Variants in DMRT1 observed in about 807,000 individuals in gnomAD.
DMRT1 encodes the protein doublesex and mab-3 related transcription factor 1, also known as doublesex- and mab-3-related transcription factor 1.
Under a neutral mutation model 32.3 loss-of-function variants are expected in DMRT1, and 7 were observed. The observed-to-expected ratio is 0.22, with a 90% confidence interval of 0.12 to 0.41. The LOEUF is 0.41. Ranked by LOEUF, DMRT1 falls within the 10% of genes least tolerant of loss-of-function variation. The pLI, the probability that DMRT1 is intolerant of heterozygous loss-of-function variation, is 1.00. For synonymous variants in DMRT1, 278 were observed against 206.1 expected, an observed-to-expected ratio of 1.35 and a Z score of -2.99; for missense variants, 625 against 500.5, an observed-to-expected ratio of 1.25 and a Z score of -2.37.
chr9:907,641 C>T (rs1817823616), intron 3 of DMRT1, among the ~76,000 whole-genome samples: 1 of 152,120 alleles, frequency 6.6e-6, no homozygotes, highest in African/African-American at 2.4e-5. Flanking sequence ...GATTGAGACC[C>T]ACAGTAAGAA....
intron 4 of DMRT1, among the ~76,000 whole-genome samples, chr9:939,401 C>T (rs778628927): frequency 9.2e-5 from 14 of 152,158 alleles, no homozygotes; most frequent in Admixed American, 4.6e-4. Context: ...TTTAATTAGC[C>T]GTCTCTAAAA....
At chr9:882,427 T>G (rs748097701) in intron 2 of DMRT1, among the ~76,000 whole-genome samples, 1 of 152,198 alleles carries the variant, frequency 6.6e-6, no homozygotes, top group Non-Finnish European at 1.5e-5. Context: ...TTTCTTATCC[T>G]TTATACATCC....
chr9:856,202 C>T (rs989656441), intron 2 of DMRT1, among the ~76,000 whole-genome samples: 1 of 152,174 alleles, frequency 6.6e-6, no homozygotes, highest in Non-Finnish European at 1.5e-5. Context: ...CAGGTGTGAG[C>T]CACCGCGCCC....
intron 1 of DMRT1, 42 bp downstream of exon 1, chr9:842,234 T>TG: frequency 2.3e-6 from 3 of 1,308,094 alleles, no homozygotes; most frequent in Non-Finnish European, 3.0e-6. Context: ...GCCTTAGTTT[T>TG]TTTTTTTTTT....
At chr9:903,101 A>G (rs1272909393) in intron 3 of DMRT1, among the ~76,000 whole-genome samples, 1 of 152,194 alleles carries the variant, frequency 6.6e-6, no homozygotes, top group Non-Finnish European at 1.5e-5. Context: ...AGCCATGCCT[A>G]TGATGTTTTC....
intron 4 of DMRT1, among the ~76,000 whole-genome samples, chr9:923,442 G>C (rs1818418698): frequency 6.7e-6 from 1 of 149,200 alleles, no homozygotes; most frequent in Non-Finnish European, 1.5e-5. Flanking sequence ...CCTGCTGAGA[G>C]AGGGTGAGGA....
In DMRT1 at chr9:965,431, TAA is replaced by T. The variant is rs1387082862; in HGVS notation, c.968-2553_968-2552del. Among the ~76,000 whole-genome samples, 4 of 152,170 alleles carry T rather than the reference TAA, an allele frequency of 2.6e-5. No individual in the cohort carries two copies. The highest frequency in any genetic ancestry group is 5.9e-5 in the Non-Finnish European group (4 of 68,036). On this transcript the variant is annotated intron_variant, in intron 4 of 4. Transcript: ENST00000382276. This position sits in a 1 kb window ranked among gnomAD's most constrained non-coding sequence, Gnocchi z 4.5. ...TTGGAGCCCCGCTAGTCCATGCAGG[TAA>T]TATTCTGCATGCTTTGTGGCCCCAC...
chr9:910,768 A>T (rs996422529), intron 3 of DMRT1, among the ~76,000 whole-genome samples: 4 of 152,116 alleles, frequency 2.6e-5, no homozygotes, highest in Non-Finnish European at 5.9e-5. Context: ...TCTGGTTCAG[A>T]GACTTTGGAT....
intron 4 of DMRT1, among the ~76,000 whole-genome samples, chr9:928,482 A>G (rs536086657): frequency 6.6e-6 from 1 of 152,288 alleles, no homozygotes; most frequent in East Asian, 1.9e-4. Flanking sequence ...TCTTAGTTGC[A>G]GTGTCTTCTT....
At chr9:862,081 C>T in intron 2 of DMRT1, among the ~76,000 whole-genome samples, 1 of 145,818 alleles carries the variant, frequency 6.9e-6, no homozygotes, top group South Asian at 2.2e-4. Flanking sequence ...AGAGACGCTC[C>T]TCACTTCCTA....
At chr9:863,321 A>T (rs1287660682) in intron 2 of DMRT1, among the ~76,000 whole-genome samples, 1 of 23,564 alleles carries the variant, frequency 4.2e-5, no homozygotes, top group African/African-American at 1.2e-4. Context: ...ACGTCTCTTA[A>T]AAAAAAAAAA....
At chr9:864,796 G>A (rs535442191) in intron 2 of DMRT1, among the ~76,000 whole-genome samples, 268 of 152,054 alleles carry the variant, frequency 1.8e-3, no homozygotes, top group Non-Finnish European at 2.9e-3. Context: ...CACCGTGCCC[G>A]CCAGCCAGTA....
At chr9:878,202 C>CCG (rs1474062672) in intron 2 of DMRT1, among the ~76,000 whole-genome samples, 2 of 94,832 alleles carry the variant, frequency 2.1e-5, no homozygotes, top group African/African-American at 7.8e-5. Flanking sequence ...CAGCTGCTGC[C>CCG]CCCCCCCCAC....
chr9:862,982 T>G (rs1815789129), intron 2 of DMRT1, among the ~76,000 whole-genome samples: 1 of 151,830 alleles, frequency 6.6e-6, no homozygotes, highest in Non-Finnish European at 1.5e-5. Flanking sequence ...TGATCCTGGA[T>G]TTTCCGGATG....
At chr9:962,255 A>G (rs1436211849) in intron 4 of DMRT1, among the ~76,000 whole-genome samples, 1 of 152,138 alleles carries the variant, frequency 6.6e-6, no homozygotes, top group East Asian at 1.9e-4. Context: ...GGGTTTAGGA[A>G]GAGATGTCAG....
rs1256323806 is a variant in DMRT1 at position 968,658 on chromosome 9, T to A, written c.*519T>A. 1 of 154,228 alleles carries A rather than the reference T, an allele frequency of 6.5e-6. No individual in the cohort carries two copies. Among genetic ancestry groups the A allele is most frequent in the Non-Finnish European group, 1.4e-5 (1 of 69,268 alleles). 9.6% of individuals were successfully genotyped at this position (154,228 alleles called of 1,614,324 possible). The stretch of plus-strand genomic sequence containing the variant: ...AATGGATATATTGTGTGTGTTGCTG[T>A]TGGAAATAGCCCCACCCCATCCTCC... On this transcript the variant is annotated 3_prime_UTR_variant, in exon 5 of 5. Coordinates refer to ENST00000382276, the MANE Select transcript of DMRT1 (RefSeq NM_021951.3).
intron 4 of DMRT1, among the ~76,000 whole-genome samples, chr9:953,468 A>C (rs1819496201): frequency 6.6e-6 from 1 of 152,180 alleles, no homozygotes; most frequent in African/African-American, 2.4e-5. Flanking sequence ...TAAATGACGA[A>C]AATCTTCTCT....
intron 2 of DMRT1, among the ~76,000 whole-genome samples, 162 bp from the exon 3 acceptor site, chr9:893,750 A>G (rs1332926708): frequency 6.6e-6 from 1 of 152,232 alleles, no homozygotes; most frequent in Non-Finnish European, 1.5e-5. Flanking sequence ...CGAACCTTAG[A>G]AACTCTCCCT....
intron 4 of DMRT1, among the ~76,000 whole-genome samples, chr9:948,824 A>AGTGGATG: frequency 6.6e-6 from 1 of 151,714 alleles, no homozygotes; most frequent in East Asian, 1.9e-4. Flanking sequence ...GGGAGGCCAA[A>AGTGGATG]GTGGATGGAT....
Sources: allele counts gnomAD v4.1 joint callset (sites outside exome capture counted in the v4.1 genomes callset), GRCh38; gene constraint gnomAD v4.1.1; non-coding constraint Gnocchi (gnomAD v3.1); transcripts MANE v1.5; gene names NCBI Gene and HGNC (gene_info 2026-07-23, HGNC 2026-07-21).